KIF3A: variants seen among roughly 807,000 people sequenced by gnomAD.
KIF3A encodes kinesin-like protein KIF3A.
A neutral mutation model predicts 92.6 loss-of-function variants in KIF3A; 27 were observed. The observed-to-expected ratio is 0.29, with a 90% CI of 0.21 to 0.40. The LOEUF (loss-of-function observed/expected upper bound fraction) is 0.40, where lower values mean the gene tolerates loss of function less well. KIF3A is among the 10% of genes least tolerant of loss of function. The probability of loss-of-function intolerance (pLI) is 1.00; values close to 1 mark genes in which losing one functional copy is unlikely to be tolerated. For missense variants in KIF3A, 581 were observed against 872.6 expected, an observed-to-expected ratio of 0.67 and a Z score of 4.21; for synonymous variants, 250 against 275.4, an observed-to-expected ratio of 0.91 and a Z score of 0.92.
chr5:132,726,596 C>A, intron 2 of KIF3A, 98 bp from the exon 3 acceptor site: 2 of 1,069,736 alleles, frequency 1.9e-6, no homozygotes, highest in Non-Finnish European at 2.7e-6. Flanking sequence ...TGTAATTTCT[C>A]CCCTGGATTC....
At chr5:132,728,093 T>C (rs1245018432) in intron 2 of KIF3A, among the ~76,000 whole-genome samples, 1 of 152,202 alleles carries the variant, frequency 6.6e-6, no homozygotes, top group African/African-American at 2.4e-5. Context: ...CATGAGCTCA[T>C]AGACTGCATT....
chr5:132,697,564 A>G (rs553444300), intron 18 of KIF3A: 3 of 152,096 alleles, frequency 2.0e-5, no homozygotes, highest in African/African-American at 4.8e-5. Flanking sequence ...GCCTGTAATC[A>G]TAACACTCTG....
intron 1 of KIF3A, among the ~76,000 whole-genome samples, chr5:132,735,535 T>C (rs1561717030): frequency 6.6e-6 from 1 of 152,258 alleles, no homozygotes; most frequent in Non-Finnish European, 1.5e-5. Context: ...TCATTGACTC[T>C]GACATTGTCA....
chr5:132,723,206 T>C (rs954556406), intron 4 of KIF3A: 1 of 152,104 alleles, frequency 6.6e-6, no homozygotes, highest in African/African-American at 2.4e-5. Flanking sequence ...ATCAATATCG[T>C]GAAAATGGCC....
chr5:132,717,278 T>G (rs932369848), intron 5 of KIF3A, among the ~76,000 whole-genome samples: 1 of 152,110 alleles, frequency 6.6e-6, no homozygotes, highest in Non-Finnish European at 1.5e-5. Context: ...AAAACCACAT[T>G]AATTGGAAAA....
At chr5:132,711,157 G>T in intron 8 of KIF3A, 100 bp from the exon 9 acceptor site, 1 of 1,031,028 alleles carries the variant, frequency 9.7e-7, no homozygotes, top group Non-Finnish European at 1.5e-6. Flanking sequence ...TTTTGTTACT[G>T]CAAACAACAA....
chr5:132,732,155 A>C (rs1754253503), intron 2 of KIF3A, among the ~76,000 whole-genome samples: 1 of 152,264 alleles, frequency 6.6e-6, no homozygotes, highest in African/African-American at 2.4e-5. Context: ...GGCAGTCATC[A>C]AAAAGACAGT....
chr5:132,731,960 C>T (rs1166042219), intron 2 of KIF3A, among the ~76,000 whole-genome samples: 8 of 152,030 alleles, frequency 5.3e-5, no homozygotes, highest in African/African-American at 1.2e-4. Flanking sequence ...CTGCCTGCCT[C>T]GGCCTCCAAT....
intron 4 of KIF3A, 81 bp downstream of exon 4, chr5:132,726,047 T>TAAAAA: frequency 1.0e-6 from 1 of 999,200 alleles, no homozygotes; most frequent in Non-Finnish European, 1.5e-6. Context: ...AACTTTTGTT[T>TAAAAA]AAAAAAAGAA....
At chr5:132,706,019 T>C (rs1461214518) in intron 11 of KIF3A, among the ~76,000 whole-genome samples, 1 of 152,054 alleles carries the variant, frequency 6.6e-6, no homozygotes, top group East Asian at 1.9e-4. Context: ...CAGACATAAG[T>C]AGCAACATTT....
intron 4 of KIF3A, among the ~76,000 whole-genome samples, chr5:132,724,806 A>AATATATAT (rs1167332306): frequency 1.3e-4 from 3 of 22,684 alleles, no homozygotes; most frequent in Non-Finnish European, 2.5e-4. Context: ...AAAAAAAAAA[A>AATATATAT]ATATATATAT....
intron 18 of KIF3A, among the ~76,000 whole-genome samples, chr5:132,698,791 ATGAT>A (rs1752923794): frequency 4.4e-4 from 1 of 2,278 alleles, no homozygotes; most frequent in Non-Finnish European, 1.0e-3. Flanking sequence ...GTTCAGTGGC[ATGAT>A]CTCATGATCT....
At chr5:132,729,410 C>T (rs1754149403) in intron 2 of KIF3A, among the ~76,000 whole-genome samples, 1 of 152,048 alleles carries the variant, frequency 6.6e-6, no homozygotes, top group African/African-American at 2.4e-5. Flanking sequence ...CGTTATAGTG[C>T]CACTGCACCC....
chr5:132,702,238 A>G (rs1561691600), intron 14 of KIF3A, 26 bp from the exon 15 acceptor site: 2 of 1,610,196 alleles, frequency 1.2e-6, no homozygotes, highest in East Asian at 2.2e-5. Context: ...TAAAAATATT[A>G]TGAACAAACA....
intron 15 of KIF3A, among the ~76,000 whole-genome samples, chr5:132,701,082 TAAG>T (rs1282534782): frequency 1.3e-5 from 2 of 149,542 alleles, no homozygotes; most frequent in East Asian, 3.9e-4. Flanking sequence ...CAAGGACCAA[TAAG>T]GAGAATGTAC....
chr5:132,698,632 A>T (rs797014417), intron 18 of KIF3A, among the ~76,000 whole-genome samples: 14 of 152,362 alleles, frequency 9.2e-5, no homozygotes, highest in African/African-American at 3.4e-4. Flanking sequence ...AGAGTGAATT[A>T]AAAATAAATT....
intron 5 of KIF3A, among the ~76,000 whole-genome samples, chr5:132,717,200 C>T (rs1753655943): frequency 6.6e-6 from 1 of 152,044 alleles, no homozygotes; most frequent in East Asian, 1.9e-4. Flanking sequence ...ATATTAAAGA[C>T]ATAACTTTAG....
At chr5:132,726,654 T>C (rs781435683) in intron 2 of KIF3A, among the ~76,000 whole-genome samples, 156 bp from the exon 3 acceptor site, 2 of 152,178 alleles carry the variant, frequency 1.3e-5, no homozygotes, top group Non-Finnish European at 2.9e-5. Flanking sequence ...ACAATTACAA[T>C]GCGTACTCTG....
At chr5:132,732,320 C>A (rs951948812) in intron 2 of KIF3A, among the ~76,000 whole-genome samples, 1 of 152,038 alleles carries the variant, frequency 6.6e-6, no homozygotes, top group African/African-American at 2.4e-5. Context: ...TAGGTATATA[C>A]CCAAGAGAAA....
Sources: allele counts gnomAD v4.1 joint callset (sites outside exome capture counted in the v4.1 genomes callset), GRCh38; gene constraint gnomAD v4.1.1; transcripts MANE v1.5; gene names NCBI Gene and HGNC (gene_info 2026-07-23, HGNC 2026-07-21).